The following GRAMD1B variants were observed in gnomAD, a reference collection of about 807,000 sequenced individuals.
The protein encoded by GRAMD1B is protein Aster-B.
GRAMD1B carries 37 observed loss-of-function variants against 99.7 expected under a neutral mutation model. The ratio of observed to expected loss-of-function variants is 0.37; its 90% CI spans 0.29 to 0.49. The LOEUF is 0.49. GRAMD1B is among the 20% of genes least tolerant of loss of function. The pLI is 0.98. For synonymous variants in GRAMD1B, 427 were observed against 387.6 expected (o/e 1.10, Z -1.19); for missense variants, 888 against 1,009.2 (o/e 0.88, Z 1.63).
At chr11:123,410,694 A>G (rs939200915) in intron 1 of GRAMD1B, among the ~76,000 whole-genome samples, 2 of 152,110 alleles carry the variant, frequency 1.3e-5, no homozygotes, top group Admixed American at 6.5e-5. Flanking sequence ...AGGAAAGACA[A>G]AGAAGATCTA....
intron 1 of GRAMD1B, among the ~76,000 whole-genome samples, chr11:123,452,015 A>G (rs375724944): frequency 6.6e-6 from 1 of 152,028 alleles, no homozygotes; most frequent in Non-Finnish European, 1.5e-5. Flanking sequence ...TTAGATTTTT[A>G]TAGAGACAGG....
upstream of GRAMD1B, among the ~76,000 whole-genome samples, chr11:123,427,167 A>G (rs981424119): frequency 3.3e-5 from 5 of 152,170 alleles, no homozygotes; most frequent in South Asian, 2.1e-4. Context: ...AGCAAGTGCA[A>G]TCGCTGAGAT....
At chr11:123,365,414 G>A (rs1946285648) in intron 1 of GRAMD1B, among the ~76,000 whole-genome samples, 1 of 152,130 alleles carries the variant, frequency 6.6e-6, no homozygotes, top group Non-Finnish European at 1.5e-5. Context: ...ACCATGCCCA[G>A]CTAATTTTTG....
At chr11:123,578,339 G>A (rs1364917956) in intron 3 of GRAMD1B, 2 of 1,300,696 alleles carry the variant, frequency 1.5e-6, no homozygotes, top group Non-Finnish European at 2.1e-6. Flanking sequence ...TTTGTCTTTT[G>A]ATTTCTTGTT....
chr11:123,457,188 C>G, intron 1 of GRAMD1B, among the ~76,000 whole-genome samples: 1 of 142,860 alleles, frequency 7.0e-6, no homozygotes. Flanking sequence ...AGTATCGGCT[C>G]ATGATTTTAT....
At chr11:123,526,094 G>A (rs1246886293) in intron 2 of GRAMD1B, 12 of 1,525,496 alleles carry the variant, frequency 7.9e-6, no homozygotes, top group East Asian at 2.2e-5. Flanking sequence ...TGGGACCTCC[G>A]GAGCTGTAAC....
intron 2 of GRAMD1B, among the ~76,000 whole-genome samples, chr11:123,498,069 C>T (rs1450080030): frequency 6.6e-6 from 1 of 152,170 alleles, no homozygotes; most frequent in African/African-American, 2.4e-5. Context: ...CACTTAAAGT[C>T]CAAAGACTTT....
chr11:123,593,371 G>A (rs1950898504), intron 4 of GRAMD1B, among the ~76,000 whole-genome samples: 1 of 152,170 alleles, frequency 6.6e-6, no homozygotes, highest in Non-Finnish European at 1.5e-5. Flanking sequence ...GCAGTGGGGG[G>A]AAGTGAGCAC....
intron 10 of GRAMD1B, among the ~76,000 whole-genome samples, chr11:123,605,717 T>C (rs1040523410): frequency 6.6e-6 from 1 of 152,194 alleles, no homozygotes; most frequent in Non-Finnish European, 1.5e-5. Context: ...TCTGAGCAGA[T>C]GAAAACCATT....
intron 2 of GRAMD1B, among the ~76,000 whole-genome samples, chr11:123,548,290 A>AT (rs1945213572): frequency 3.4e-5 from 2 of 58,178 alleles, no homozygotes; most frequent in Non-Finnish European, 5.9e-5. Context: ...GGCTGTGCCA[A>AT]AATATATATA....
rs544175361 is a variant in GRAMD1B at position 123,622,717 on chromosome 11, A to T, written c.*122A>T. 2.9e-5 allele frequency: 7 copies of T among 245,298 alleles called. No individual in the cohort carries two copies. Among genetic ancestry groups the T allele is most frequent in the South Asian group, 1.4e-4 (1 of 6,898 alleles). The allele number at this position is 245,298 out of a possible 1,614,324, so 15.2% of individuals were successfully genotyped here. ...AATATATATATTATATACAGATTTT[A>T]AAAAAGAGATAATGCCTATGTACCA... On this transcript the variant is annotated 3_prime_UTR_variant, in exon 20 of 20. Transcript: ENST00000635736.
chr11:123,463,200 T>C (rs1241653340), intron 1 of GRAMD1B, among the ~76,000 whole-genome samples: 1 of 151,992 alleles, frequency 6.6e-6, no homozygotes, highest in Non-Finnish European at 1.5e-5. Flanking sequence ...TTCAGTAGAG[T>C]CGGGGTTTCA....
intron 2 of GRAMD1B, among the ~76,000 whole-genome samples, chr11:123,530,026 A>G (rs1943193900): frequency 6.6e-6 from 1 of 151,986 alleles, no homozygotes; most frequent in Non-Finnish European, 1.5e-5. Flanking sequence ...CTTGACAGAG[A>G]GCAGGTGAAG....
At chr11:123,373,691 T>A (rs546476258) in intron 1 of GRAMD1B, among the ~76,000 whole-genome samples, 2 of 152,170 alleles carry the variant, frequency 1.3e-5, no homozygotes, top group Non-Finnish European at 2.9e-5. Context: ...AACAAGAAAT[T>A]GAATAGGAAC....
chr11:123,498,431 C>A (rs560724339), intron 2 of GRAMD1B, among the ~76,000 whole-genome samples: 1 of 152,236 alleles, frequency 6.6e-6, no homozygotes, highest in African/African-American at 2.4e-5. Flanking sequence ...GGAGGGGAGG[C>A]GCTGGTGATT....
chr11:123,454,376 C>T (rs1464906525), intron 1 of GRAMD1B: 2 of 152,132 alleles, frequency 1.3e-5, no homozygotes, highest in African/African-American at 2.4e-5. Flanking sequence ...CCAGGGCTTG[C>T]GTTGTTTTTT....
intron 2 of GRAMD1B, among the ~76,000 whole-genome samples, chr11:123,505,908 C>T (rs756995701): frequency 3.9e-5 from 6 of 152,140 alleles, no homozygotes; most frequent in African/African-American, 9.7e-5. Context: ...ATACAGGGAG[C>T]GTCTACATCT....
At chr11:123,578,466 C>A in intron 3 of GRAMD1B, 1 of 1,468,578 alleles carries the variant, frequency 6.8e-7, no homozygotes, top group Non-Finnish European at 9.2e-7. Flanking sequence ...TTTATCTCCC[C>A]TCTAGTGTCG....
intron 2 of GRAMD1B, among the ~76,000 whole-genome samples, chr11:123,570,021 G>A (rs1321902524): frequency 6.6e-6 from 1 of 152,162 alleles, no homozygotes; most frequent in Non-Finnish European, 1.5e-5. Context: ...TACTATTCCA[G>A]CAGGTCCACC....
Sources: allele counts gnomAD v4.1 joint callset (sites outside exome capture counted in the v4.1 genomes callset), GRCh38; gene constraint gnomAD v4.1.1; transcripts MANE v1.5; gene names NCBI Gene and HGNC (gene_info 2026-07-23, HGNC 2026-07-21).